Variants in IQGAP2 observed in about 807,000 individuals in gnomAD.
IQGAP2 encodes the protein IQ motif containing GTPase activating protein 2, also known as ras GTPase-activating-like protein IQGAP2.
Under a neutral mutation model 201.3 loss-of-function variants are expected in IQGAP2, and 173 were observed. That is an observed-to-expected ratio of 0.86 (90% CI 0.76 to 0.98). IQGAP2 has a LOEUF of 0.98. IQGAP2 is among the 50% of genes least tolerant of loss of function. The pLI, the probability that IQGAP2 is intolerant of heterozygous loss-of-function variation, is 0.00. For synonymous variants in IQGAP2, 675 were observed against 673.9 expected (o/e 1.00, Z -0.03); for missense variants, 1,687 against 1,864.8 (o/e 0.90, Z 1.76).
chr5:76,434,004 G>GT (rs1448336412), intron 1 of IQGAP2, among the ~76,000 whole-genome samples: 1 of 152,114 alleles, frequency 6.6e-6, no homozygotes, highest in African/African-American at 2.4e-5. Flanking sequence ...GTGGTTCAGA[G>GT]TTTTTCGTTA....
intron 2 of IQGAP2, among the ~76,000 whole-genome samples, chr5:76,498,418 G>C (rs1340284288): frequency 6.6e-6 from 1 of 152,154 alleles, no homozygotes; most frequent in Non-Finnish European, 1.5e-5. Context: ...CTTGCCTGAG[G>C]TCATGTCACA....
chr5:76,606,379 G>A, intron 12 of IQGAP2, 76 bp downstream of exon 12: 1 of 1,340,490 alleles, frequency 7.5e-7, no homozygotes, highest in South Asian at 1.8e-5. Context: ...TCTAGATTAG[G>A]GCTTTAAGTT....
rs1052156268 is a variant in IQGAP2, at chr5:76,590,688, A to G, written c.819+102A>G. The G allele has an allele frequency of 1.5e-5, 13 of 848,346 alleles. No individual in the cohort carries two copies. The African/African-American group carries it at 1.9e-4, about 12-fold the overall frequency. 52.6% of individuals were successfully genotyped at this position (848,346 alleles called of 1,614,324 possible). ...AGCAATACTTTTAAATCAATTGGCTATTTTCTCTATAGCCGTAGACAATTG... is the reference window on the plus strand; with the variant it reads ...AGCAATACTTTTAAATCAATTGGCTGTTTTCTCTATAGCCGTAGACAATTG... On this transcript the variant is annotated intron_variant, in intron 8 of 35. Transcript: ENST00000274364.
In IQGAP2 at chr5:76,683,761, G is replaced by GT. The variant is rs760847283; in HGVS notation, c.3764-9dup. The stretch of plus-strand genomic sequence containing the variant: ...GAGTGAATTGGAAAAATAACACTAG[G>GT]TTTTTTCCCTACAGGGGAAGGAGCA... On this transcript the variant is annotated splice_polypyrimidine_tract_variant and intron_variant, in intron 29 of 35. Transcript: ENST00000274364. 1.2e-6 allele frequency: 2 copies of GT among 1,603,138 alleles called. No homozygotes were observed. Among genetic ancestry groups the GT allele is most frequent in the Non-Finnish European group, 8.5e-7 (1 of 1,174,216 alleles).
At chr5:76,696,584 A>G (rs368162399) in intron 32 of IQGAP2, among the ~76,000 whole-genome samples, 1 of 63,864 alleles carries the variant, frequency 1.6e-5, no homozygotes, top group Non-Finnish European at 3.6e-5. Flanking sequence ...AAATGACCAG[A>G]AAAAAAAAAA....
chr5:76,468,958 T>G (rs1320459318), intron 2 of IQGAP2, among the ~76,000 whole-genome samples: 1 of 152,246 alleles, frequency 6.6e-6, no homozygotes, highest in African/African-American at 2.4e-5. Context: ...CATGTTTGAA[T>G]GAATAACGTA....
intron 9 of IQGAP2, among the ~76,000 whole-genome samples, chr5:76,595,486 G>A (rs904649792): frequency 3.3e-5 from 5 of 151,970 alleles, no homozygotes; most frequent in African/African-American, 1.2e-4. Flanking sequence ...CAGGCTAGGT[G>A]CAGTGACTCA....
Position 76,592,514 on chromosome 5 carries a change from T to C in IQGAP2, c.820-324T>C, listed in dbSNP as rs372650513. Among the ~76,000 whole-genome samples, 24 of 152,358 alleles carry C rather than the reference T, an allele frequency of 1.6e-4. No individual in the cohort carries two copies. In the South Asian group the frequency reaches 4.8e-3, roughly 30 times the overall value. On this transcript the variant is annotated intron_variant, in intron 8 of 35. Transcript: ENST00000274364. Reference sequence around the variant, plus strand: ...TATTTATTACTTGTGTTCTTGATTTTATTAGATCAAATCAAATGAAATTGG... The same window carrying C: ...TATTTATTACTTGTGTTCTTGATTTCATTAGATCAAATCAAATGAAATTGG...
chr5:76,690,163 A>G (rs1435246771), intron 30 of IQGAP2, among the ~76,000 whole-genome samples: 1 of 152,172 alleles, frequency 6.6e-6, no homozygotes, highest in Non-Finnish European at 1.5e-5. Flanking sequence ...TGGTCAGACC[A>G]TATCCAGAAT....
rs370885097 is a variant in IQGAP2, at chr5:76,484,673, C to T, written c.146+23004C>T. Reference sequence around the variant, plus strand: ...ATAATAAAAAAATTAAAAAAAGAAACGGGGTTTTGCTCTGTCACCAAGGCT... The same window carrying T: ...ATAATAAAAAAATTAAAAAAAGAAATGGGGTTTTGCTCTGTCACCAAGGCT... On this transcript the variant is annotated intron_variant, in intron 2 of 35. Transcript: ENST00000274364. 8.4e-4 allele frequency among the ~76,000 whole-genome samples: 127 copies of T among 152,052 alleles called. 2 individuals are homozygous for T. In the South Asian group the frequency reaches 0.017, roughly 21 times the overall value.
At position 76,634,920 on chromosome 5, in the gene IQGAP2, GT is replaced by G. The variant is rs1482050528; in HGVS notation, c.1781-2113del. ...CTTTTTTCTAAGTAACAAACCAACT[GT>G]ATTTCTTAGGAAAACTATTTGGAGC... On this transcript the variant is annotated intron_variant, in intron 15 of 35. Transcript: ENST00000274364. Among the ~76,000 whole-genome samples the G allele has an allele frequency of 5.9e-5, 9 of 152,158 alleles. No homozygotes were observed. The South Asian group carries it at 1.9e-3, about 32-fold the overall frequency.
intron 2 of IQGAP2, among the ~76,000 whole-genome samples, chr5:76,469,702 C>T (rs1755001782): frequency 6.6e-6 from 1 of 151,968 alleles, no homozygotes; most frequent in Non-Finnish European, 1.5e-5. Flanking sequence ...CCGCTCCTGG[C>T]CTCAAAAAAC....
chr5:76,611,342 G>C (rs1223110951), intron 13 of IQGAP2, among the ~76,000 whole-genome samples, 159 bp downstream of exon 13: 1 of 152,086 alleles, frequency 6.6e-6, no homozygotes, highest in Non-Finnish European at 1.5e-5. Flanking sequence ...TTATTTTCCT[G>C]GTAACAAACA....
At chr5:76,599,243 C>G (rs1054338236) in intron 10 of IQGAP2, among the ~76,000 whole-genome samples, 1 of 152,026 alleles carries the variant, frequency 6.6e-6, no homozygotes, top group Non-Finnish European at 1.5e-5. Context: ...TAAAAAGACT[C>G]CCTATGTTTC....
At chr5:76,496,692 T>TTCTGTC in intron 2 of IQGAP2, among the ~76,000 whole-genome samples, 1 of 149,054 alleles carries the variant, frequency 6.7e-6, no homozygotes, top group East Asian at 2.0e-4. Context: ...ATATTTTTCT[T>TTCTGTC]TCTTTCTGTC....
intron 2 of IQGAP2, among the ~76,000 whole-genome samples, chr5:76,505,608 A>G (rs897963413): frequency 1.3e-5 from 2 of 152,158 alleles, no homozygotes; most frequent in African/African-American, 2.4e-5. Context: ...CTGTAGAGCT[A>G]GATCAGAGAT....
At chr5:76,415,714 G>A (rs1751368014) in intron 1 of IQGAP2, among the ~76,000 whole-genome samples, 1 of 152,234 alleles carries the variant, frequency 6.6e-6, no homozygotes, top group Non-Finnish European at 1.5e-5. Flanking sequence ...GGCTGAGGCA[G>A]GCAGATCACT....
chr5:76,659,834 A>G (rs1340831085), intron 21 of IQGAP2, among the ~76,000 whole-genome samples: 2 of 152,094 alleles, frequency 1.3e-5, no homozygotes, highest in Admixed American at 1.3e-4. Flanking sequence ...GTGACTCCCT[A>G]CAAAGACACA....
chr5:76,540,247 G>T (rs562751422), intron 2 of IQGAP2, among the ~76,000 whole-genome samples: 1 of 152,250 alleles, frequency 6.6e-6, no homozygotes, highest in South Asian at 2.1e-4. Flanking sequence ...CAGAGTTGAT[G>T]ATTAGGTTCA....
Sources: gnomAD v4.1 joint callset for allele counts (sites outside exome capture counted in the v4.1 genomes callset) on GRCh38, gnomAD v4.1.1 for gene constraint, MANE v1.5 for transcripts, NCBI Gene and HGNC (gene_info 2026-07-23, HGNC 2026-07-21) for gene names.